Variants in NAV2 observed in about 807,000 individuals in gnomAD.
The protein encoded by NAV2 is neuron navigator 2.
NAV2 carries 54 observed loss-of-function variants against 223.2 expected under a neutral mutation model. The ratio of observed to expected loss-of-function variants is 0.24; its 90% CI spans 0.19 to 0.30. The LOEUF (loss-of-function observed/expected upper bound fraction) is 0.30. NAV2 is among the 10% of genes least tolerant of loss of function. The probability of loss-of-function intolerance (pLI) is 1.00; values close to 1 mark genes in which losing one functional copy is unlikely to be tolerated. For missense variants in NAV2, 2,806 were observed against 3,147.5 expected (o/e 0.89, Z 2.60); for synonymous variants, 1,279 against 1,239.3 (o/e 1.03, Z -0.67).
chr11:19,543,705 G>A (rs1035326058), intron 1 of NAV2, among the ~76,000 whole-genome samples: 15 of 152,274 alleles, frequency 9.9e-5, no homozygotes, highest in East Asian at 1.9e-4. Context: ...ATCATTCAGC[G>A]TTAAATGAGA....
chr11:19,508,869 C>T (rs577911269), intron 1 of NAV2, among the ~76,000 whole-genome samples: 35 of 152,340 alleles, frequency 2.3e-4, no homozygotes, highest in African/African-American at 8.2e-4. Context: ...AAAGCTTATG[C>T]TTTGCAAGGT....
chr11:19,857,237 A>T lies in NAV2; in HGVS notation c.439-11688A>T, dbSNP rs145601615. Among the ~76,000 whole-genome samples, 96 of 152,328 alleles carry T rather than the reference A, an allele frequency of 6.3e-4. 2 individuals are homozygous for T. The East Asian group carries it at 9.8e-3, about 16-fold the overall frequency. ...TGCATTTATATTCTGCTACCTCTTG[A>T]AGATTCTATGGTGGCTTATGGGTTT... On this transcript the variant is annotated intron_variant, in intron 3 of 37. Coordinates refer to ENST00000349880, the MANE Select transcript of NAV2 (RefSeq NM_145117.5).
intron 1 of NAV2, among the ~76,000 whole-genome samples, chr11:19,690,562 T>A (rs534888014): frequency 6.6e-6 from 1 of 152,162 alleles, no homozygotes; most frequent in Non-Finnish European, 1.5e-5. Context: ...TGCTCAAAAA[T>A]GTTAATTAAT....
intron 1 of NAV2, among the ~76,000 whole-genome samples, chr11:19,363,602 C>T (rs1029790845): frequency 6.6e-6 from 1 of 152,284 alleles, no homozygotes; most frequent in East Asian, 1.9e-4. Context: ...CTACACCAAC[C>T]AATTCTCTGA....
At chr11:19,801,882 G>A (rs2058287342) in intron 1 of NAV2, among the ~76,000 whole-genome samples, 1 of 152,202 alleles carries the variant, frequency 6.6e-6, no homozygotes. Flanking sequence ...AAAGCATGTA[G>A]TACGGTGTAT....
intron 1 of NAV2, among the ~76,000 whole-genome samples, chr11:19,552,867 T>C (rs2044733688): frequency 6.9e-6 from 1 of 145,748 alleles, no homozygotes; most frequent in Non-Finnish European, 1.5e-5. Flanking sequence ...TAACATTGCA[T>C]TGTGAGAGAG....
chr11:19,439,116 C>G (rs770451109), intron 1 of NAV2, among the ~76,000 whole-genome samples: 12 of 152,106 alleles, frequency 7.9e-5, no homozygotes, highest in East Asian at 1.9e-4. Flanking sequence ...ATCATAAACT[C>G]AGGTGTGGTT....
intron 1 of NAV2, among the ~76,000 whole-genome samples, chr11:19,607,870 G>C (rs2046524342): frequency 6.6e-6 from 1 of 152,216 alleles, no homozygotes; most frequent in Non-Finnish European, 1.5e-5. Flanking sequence ...ACTGACCACA[G>C]AACCCTAGTC....
At position 20,055,916 on chromosome 11, in the gene NAV2, C is replaced by A. The variant is rs2058336927; in HGVS notation, c.4790C>A (p.Thr1597Asn). Residue 1597 changes from threonine (T) to asparagine (N), a missense_variant, in exon 19 of 38, where the codon ACC becomes AAC. By Grantham distance (65) the Thr-to-Asn change is moderately conservative. Transcript: ENST00000349880. Reference sequence around the variant, plus strand: ...ATGTCCCTGGATGAGAAGAGCAGAACCATGAGCCGTTCAGGCTCATTCCGG... The same window carrying A: ...ATGTCCCTGGATGAGAAGAGCAGAAACATGAGCCGTTCAGGCTCATTCCGG... ...SSMSLDEKSRTMSRSGSFRDG... is the reference protein window; with the variant it reads ...SSMSLDEKSRNMSRSGSFRDG... The A allele has an allele frequency of 6.2e-7, 1 of 1,614,118 alleles. No homozygotes were observed. The highest frequency in any genetic ancestry group is 1.7e-5 in the Admixed American group (1 of 60,016).
At chr11:19,391,821 A>G (rs1196399774) in intron 1 of NAV2, among the ~76,000 whole-genome samples, 1 of 152,298 alleles carries the variant, frequency 6.6e-6, no homozygotes, top group Middle Eastern at 3.4e-3. Context: ...ACAAATACTT[A>G]GGACAGTACC....
intron 1 of NAV2, among the ~76,000 whole-genome samples, chr11:19,681,364 G>T (rs2048875785): frequency 6.6e-6 from 1 of 152,188 alleles, no homozygotes; most frequent in African/African-American, 2.4e-5. Context: ...TATATATAGG[G>T]AAGTTGAAGT....
At chr11:19,760,981 G>A (rs541620388) in intron 1 of NAV2, among the ~76,000 whole-genome samples, 36 of 152,238 alleles carry the variant, frequency 2.4e-4, no homozygotes, top group Non-Finnish European at 5.9e-5. Flanking sequence ...TCTGTTTCGG[G>A]GAATAAAGAA....
chr11:19,400,833 G>A (rs1490569905), intron 1 of NAV2, among the ~76,000 whole-genome samples: 10 of 152,122 alleles, frequency 6.6e-5, no homozygotes, highest in Admixed American at 2.6e-4. Flanking sequence ...CCTTTTGGTG[G>A]GTTAGTTGGA....
At chr11:19,947,244 G>T (rs1402118259) in intron 9 of NAV2, among the ~76,000 whole-genome samples, 1 of 152,192 alleles carries the variant, frequency 6.6e-6, no homozygotes, top group African/African-American at 2.4e-5. Flanking sequence ...GAAGATTGGG[G>T]TTAACCACTG....
At chr11:19,862,724 A>G (rs926523225) in intron 3 of NAV2, among the ~76,000 whole-genome samples, 7 of 152,166 alleles carry the variant, frequency 4.6e-5, no homozygotes, top group Non-Finnish European at 1.0e-4. Context: ...TGCATAAGAC[A>G]TGTGATCTTG....
chr11:20,105,537 G>A lies in NAV2; in HGVS notation c.6651G>A (p.Val2217=). Reference sequence around the variant, plus strand: ...TGTTTCTGACTTCCTCCAGATGGGTGCTTTGTGCCAACCACACGGAGCCTG... The same window carrying A: ...TGTTTCTGACTTCCTCCAGATGGGTACTTTGTGCCAACCACACGGAGCCTG... ...NLQLHHNFRW[V]LCANHTEPVK... The change falls in exon 35 of 38, where the codon GTG becomes GTA. Residue 2217 remains valine (V), a synonymous_variant. Coordinates refer to ENST00000349880, the MANE Select transcript of NAV2 (RefSeq NM_145117.5). 1 of 1,612,604 alleles carries A rather than the reference G, an allele frequency of 6.2e-7. No individual in the cohort carries two copies. Among genetic ancestry groups the A allele is most frequent in the Non-Finnish European group, 8.5e-7 (1 of 1,178,970 alleles).
Position 19,740,118 on chromosome 11 carries a change from A to G in NAV2, c.267+26156A>G, listed in dbSNP as rs1419399214. On this transcript the variant is annotated intron_variant, in intron 1 of 37. Coordinates refer to ENST00000349880, the MANE Select transcript of NAV2 (RefSeq NM_145117.5). Reference sequence around the variant, plus strand: ...TCTACTAGAAACAAAGTACCCTGTGACATGCTGGAAGGGATCTCCGGACAG... The same window carrying G: ...TCTACTAGAAACAAAGTACCCTGTGGCATGCTGGAAGGGATCTCCGGACAG... 3.9e-5 allele frequency among the ~76,000 whole-genome samples: 6 copies of G among 152,192 alleles called. No individual in the cohort carries two copies. In the South Asian group the frequency reaches 1.0e-3, roughly 26 times the overall value.
At chr11:19,661,071 C>A (rs1471105617) in intron 1 of NAV2, among the ~76,000 whole-genome samples, 1 of 152,172 alleles carries the variant, frequency 6.6e-6, no homozygotes, top group Non-Finnish European at 1.5e-5. Flanking sequence ...AACTGAAACT[C>A]TCTACCCCTG....
chr11:19,381,637 A>T (rs540750216), intron 1 of NAV2, among the ~76,000 whole-genome samples: 1 of 152,328 alleles, frequency 6.6e-6, no homozygotes, highest in African/African-American at 2.4e-5. Context: ...TGGTGGCAGG[A>T]TAGGGCTCTG....
Sources: allele counts gnomAD v4.1 joint callset (sites outside exome capture counted in the v4.1 genomes callset), GRCh38; gene constraint gnomAD v4.1.1; transcripts MANE v1.5; gene names NCBI Gene and HGNC (gene_info 2026-07-23, HGNC 2026-07-21).